ARHGAP15: variants seen among roughly 807,000 people sequenced by gnomAD.
ARHGAP15 encodes rho GTPase-activating protein 15.
A neutral mutation model predicts 63.7 loss-of-function variants in ARHGAP15; 51 were observed. The observed-to-expected ratio is 0.80, with a 90% confidence interval of 0.64 to 1.01. The LOEUF is 1.01. ARHGAP15 is among the 50% of genes least tolerant of loss of function. ARHGAP15 has a pLI of 0.00. For synonymous variants in ARHGAP15, 191 were observed against 193.8 expected (o/e 0.99, Z 0.12); for missense variants, 560 against 564.6 (o/e 0.99, Z 0.08).
chr2:143,145,570 C>T (rs1364933095), intron 1 of ARHGAP15, among the ~76,000 whole-genome samples: 2 of 151,936 alleles, frequency 1.3e-5, no homozygotes, highest in Non-Finnish European at 2.9e-5. Context: ...CTCAGTATTC[C>T]CCACCCTGTC....
At chr2:143,200,085 A>C (rs903765840) in intron 2 of ARHGAP15, among the ~76,000 whole-genome samples, 3 of 152,262 alleles carry the variant, frequency 2.0e-5, no homozygotes, top group Non-Finnish European at 4.4e-5. Flanking sequence ...CTGGACCAAA[A>C]CAATAATTGA....
chr2:143,397,572 G>A lies in ARHGAP15; in HGVS notation c.475-38029G>A, dbSNP rs199642186. Reference sequence around the variant, plus strand: ...TAAAATATTGGCAAAAAAAAACGAAGAAGAAATAAAATATAACCCTAGCAT... The same window carrying A: ...TAAAATATTGGCAAAAAAAAACGAAAAAGAAATAAAATATAACCCTAGCAT... On this transcript the variant is annotated intron_variant, in intron 6 of 13. Transcript: ENST00000295095. 5.4e-4 allele frequency among the ~76,000 whole-genome samples: 50 copies of A among 92,478 alleles called. No homozygotes were observed. The South Asian group carries it at 8.2e-3, about 15-fold the overall frequency. The allele number at this position is 92,478 out of a possible 152,430, so 60.7% of individuals were successfully genotyped here. A position where few individuals can be genotyped will look rare whatever the true frequency, so the allele number is the denominator to read the frequency against.
At chr2:143,510,117 TA>T (rs1162535191) in intron 9 of ARHGAP15, among the ~76,000 whole-genome samples, 1 of 145,572 alleles carries the variant, frequency 6.9e-6, no homozygotes, top group Admixed American at 6.9e-5. Context: ...AAGGAAAAAC[TA>T]ATGTAATTTA....
intron 12 of ARHGAP15, among the ~76,000 whole-genome samples, chr2:143,686,502 G>GTCTAA (rs1481334629): frequency 6.7e-6 from 1 of 148,156 alleles, no homozygotes; most frequent in Non-Finnish European, 1.5e-5. Flanking sequence ...TTACTTTTTA[G>GTCTAA]TCTAATTCTA....
chr2:143,722,442 C>CAT (rs1685101731), intron 13 of ARHGAP15, among the ~76,000 whole-genome samples: 2 of 151,996 alleles, frequency 1.3e-5, no homozygotes, highest in South Asian at 4.1e-4. Flanking sequence ...GGGCAAAGTA[C>CAT]ATATACAAGC....
At chr2:143,615,371 T>C (rs1698415389) in intron 11 of ARHGAP15, among the ~76,000 whole-genome samples, 1 of 152,174 alleles carries the variant, frequency 6.6e-6, no homozygotes, top group Non-Finnish European at 1.5e-5. Flanking sequence ...CATATCCTTT[T>C]CAATGTTACC....
intron 6 of ARHGAP15, among the ~76,000 whole-genome samples, chr2:143,350,588 G>C (rs1182032566): frequency 6.6e-6 from 1 of 151,162 alleles, no homozygotes; most frequent in Admixed American, 6.6e-5. Flanking sequence ...GGGAGGCCGA[G>C]GGGGGTGGAT....
intron 6 of ARHGAP15, among the ~76,000 whole-genome samples, chr2:143,346,933 T>G (rs1182744026): frequency 6.6e-6 from 1 of 152,140 alleles, no homozygotes; most frequent in East Asian, 1.9e-4. Flanking sequence ...TGCTATGATC[T>G]CTACAATTTG....
At chr2:143,422,906 T>C (rs1688986733) in intron 6 of ARHGAP15, among the ~76,000 whole-genome samples, 1 of 152,114 alleles carries the variant, frequency 6.6e-6, no homozygotes, top group Non-Finnish European at 1.5e-5. Flanking sequence ...AAATGAGCTT[T>C]GGCAAAGACA....
rs189002448 is a variant in ARHGAP15, at chr2:143,141,874, G to A, written c.-15+12408G>A. 4.6e-5 allele frequency among the ~76,000 whole-genome samples: 7 copies of A among 151,992 alleles called. No individual in the cohort carries two copies. The South Asian group carries it at 6.2e-4, about 14-fold the overall frequency. On this transcript the variant is annotated intron_variant, in intron 1 of 13. Coordinates refer to ENST00000295095, the MANE Select transcript of ARHGAP15 (RefSeq NM_018460.4). Reference sequence around the variant, plus strand: ...TGTTCCTAGGGGTGATTGACACTACGAGCCACAGTCGGGAATGCCTGCAGG... The same window carrying A: ...TGTTCCTAGGGGTGATTGACACTACAAGCCACAGTCGGGAATGCCTGCAGG...
chr2:143,733,929 CA>C (rs1559151475), intron 13 of ARHGAP15, among the ~76,000 whole-genome samples: 1 of 152,124 alleles, frequency 6.6e-6, no homozygotes, highest in African/African-American at 2.4e-5. Context: ...TTCTTATCTA[CA>C]TTTTTTACTG....
At chr2:143,708,550 T>C (rs1271563532) in intron 13 of ARHGAP15, among the ~76,000 whole-genome samples, 8 of 152,104 alleles carry the variant, frequency 5.3e-5, no homozygotes, top group Admixed American at 3.9e-4. Flanking sequence ...CCCATTCTCA[T>C]ACCCAATCCC....
At chr2:143,464,854 T>C (rs562249907) in intron 8 of ARHGAP15, among the ~76,000 whole-genome samples, 41 of 152,324 alleles carry the variant, frequency 2.7e-4, no homozygotes, top group Non-Finnish European at 4.7e-4. Context: ...AAGCTTTTTA[T>C]TGGAAAATTT....
chr2:143,288,369 T>TG (rs1450869748), intron 6 of ARHGAP15, among the ~76,000 whole-genome samples: 1 of 151,932 alleles, frequency 6.6e-6, no homozygotes, highest in Non-Finnish European at 1.5e-5. Flanking sequence ...AGATTGTATT[T>TG]GGAAAAAAAA....
chr2:143,304,650 T>C (rs1683082779), intron 6 of ARHGAP15, among the ~76,000 whole-genome samples: 1 of 152,124 alleles, frequency 6.6e-6, no homozygotes, highest in Non-Finnish European at 1.5e-5. Context: ...AGCCATTTGA[T>C]TGTAAATATA....
At chr2:143,148,436 G>A (rs1412160729) in intron 1 of ARHGAP15, among the ~76,000 whole-genome samples, 1 of 152,016 alleles carries the variant, frequency 6.6e-6, no homozygotes, top group Non-Finnish European at 1.5e-5. Context: ...CTCCCAACAG[G>A]ATGGAGTTTG....
At chr2:143,582,177 G>C (rs141052937) in intron 11 of ARHGAP15, among the ~76,000 whole-genome samples, 86 of 152,290 alleles carry the variant, frequency 5.6e-4, no homozygotes, top group African/African-American at 1.9e-3. Context: ...TGGCCAGTAA[G>C]AGGCATGATT....
chr2:143,304,037 A>T (rs928190489), intron 6 of ARHGAP15, among the ~76,000 whole-genome samples: 24 of 152,130 alleles, frequency 1.6e-4, no homozygotes, highest in African/African-American at 4.8e-4. Flanking sequence ...ATTGTGCAAG[A>T]CAGTGTGGCG....
chr2:143,730,806 TTTTG>T (rs1685492589), intron 13 of ARHGAP15, among the ~76,000 whole-genome samples: 1 of 151,172 alleles, frequency 6.6e-6, no homozygotes, highest in African/African-American at 2.4e-5. Flanking sequence ...TATAGAAGGT[TTTTG>T]TTTGGGTGGT....
Sources: allele counts gnomAD v4.1 joint callset (sites outside exome capture counted in the v4.1 genomes callset), GRCh38; gene constraint gnomAD v4.1.1; transcripts MANE v1.5; gene names NCBI Gene and HGNC (gene_info 2026-07-23, HGNC 2026-07-21).